Variants in ULK2 observed in about 807,000 individuals in gnomAD.
ULK2 encodes serine/threonine-protein kinase ULK2.
In ULK2, 76 loss-of-function variants were observed where a neutral mutation model predicts 127.5. The observed-to-expected ratio is 0.60, with a 90% CI of 0.50 to 0.72. ULK2 has a LOEUF of 0.72. Among genes scored for constraint, ULK2 ranks in the 30% least tolerant of loss-of-function variants. The pLI, the probability that ULK2 is intolerant of heterozygous loss-of-function variation, is 0.00. For synonymous variants in ULK2, 452 were observed against 461.9 expected (o/e 0.98, Z 0.28); for missense variants, 1,144 against 1,295.9 (o/e 0.88, Z 1.80).
chr17:19,819,826 AG>A (rs932033494), intron 12 of ULK2, among the ~76,000 whole-genome samples: 1 of 152,036 alleles, frequency 6.6e-6, no homozygotes, highest in African/African-American at 2.4e-5. Flanking sequence ...CTGCCGCCTT[AG>A]TTCAGGCTTC....
rs1567696612 is a variant in ULK2 at position 19,814,446 on chromosome 17, T to TG, written c.1096+2302_1096+2303insC. ...TATATATATATATATATATTTTTTT[T>TG]TTTTTTTTTTTTTTTTTGGAGACAG... On this transcript the variant is annotated intron_variant, in intron 13 of 26. Transcript: ENST00000395544. Among the ~76,000 whole-genome samples, 66 of 29,998 alleles carry TG rather than the reference T, an allele frequency of 2.2e-3. 3 individuals are homozygous for TG. Among genetic ancestry groups the TG allele is most frequent in the East Asian group, 4.0e-3 (8 of 1,982 alleles). The allele number at this position is 29,998 out of a possible 152,430, so 19.7% of individuals were successfully genotyped here.
chr17:19,867,474 TCAGCACCG>T lies in ULK2; in HGVS notation c.-65_-58del. On this transcript the variant is annotated 5_prime_UTR_variant, in exon 1 of 27. The change abolishes the stop of an existing upstream ORF in the 5' untranslated region. Transcript: ENST00000395544. ...CGGGCGGCGCAGTGCGGCGCAGGTA[TCAGCACCG>T]CGGCTCCGCGGGCCCGGAGCGCGCC... The T allele has an allele frequency of 1.4e-6, 2 of 1,427,526 alleles. No individual in the cohort carries two copies. The highest frequency in any genetic ancestry group is 1.9e-6 in the Non-Finnish European group (2 of 1,067,702). 88.4% of individuals were successfully genotyped at this position (1,427,526 alleles called of 1,614,324 possible).
At chr17:19,827,846 G>T (rs1446435828) in intron 10 of ULK2, among the ~76,000 whole-genome samples, 1 of 151,838 alleles carries the variant, frequency 6.6e-6, no homozygotes, top group Non-Finnish European at 1.5e-5. Context: ...GAAGGTGGAG[G>T]TTGCGGTGAG....
Position 19,801,873 on chromosome 17 carries a change from G to A in ULK2, c.1345C>T (p.Pro449Ser), listed in dbSNP as rs201765692. 2.5e-5 allele frequency: 41 copies of A among 1,614,066 alleles called. No homozygotes were observed. Among genetic ancestry groups the A allele is most frequent in the East Asian group, 2.0e-4 (9 of 44,886 alleles). ...GCTGGTACTGGGGAGCATGATCCCGGCCGGAGGAAGCCCATGGGGCTGGTG... is the reference window on the plus strand; with the variant it reads ...GCTGGTACTGGGGAGCATGATCCCGACCGGAGGAAGCCCATGGGGCTGGTG... ...SNTSPMGFLR[P>S]GSCSPVPADT... is the part of the protein sequence containing the mutation. The change falls in exon 16 of 27, where the codon CCG (proline) becomes TCG (serine). Residue 449 changes from proline to serine, a missense_variant. Pro to Ser is a moderately conservative substitution (Grantham distance 74). Transcript: ENST00000395544.
intron 3 of ULK2, among the ~76,000 whole-genome samples, chr17:19,858,713 T>C (rs1398157552): frequency 3.3e-5 from 5 of 152,160 alleles, no homozygotes; most frequent in Non-Finnish European, 1.5e-5. Context: ...CTCACATCTG[T>C]AATCCCAGAA....
chr17:19,832,466 G>A (rs1171842524), intron 10 of ULK2, among the ~76,000 whole-genome samples: 2 of 151,928 alleles, frequency 1.3e-5, no homozygotes, highest in South Asian at 2.1e-4. Flanking sequence ...CTTTCACCAC[G>A]TTGCCCAGGC....
At chr17:19,804,289 C>T (rs2087465016) in intron 15 of ULK2, among the ~76,000 whole-genome samples, 1 of 151,250 alleles carries the variant, frequency 6.6e-6, no homozygotes, top group Non-Finnish European at 1.5e-5. Context: ...TGGACTTGTA[C>T]CTTTGTTATT....
rs966116584 is a variant in ULK2, at chr17:19,776,314, G to A, written c.*35C>T. The A allele has an allele frequency of 1.3e-5, 21 of 1,572,102 alleles. No homozygotes were observed. Among genetic ancestry groups the A allele is most frequent in the Non-Finnish European group, 1.8e-5 (21 of 1,160,834 alleles). ...TGTAATCCCAAAGGCATCACCTCAC[G>A]TTCCCACCACCGGTCCACGGGATGA... On this transcript the variant is annotated 3_prime_UTR_variant, in exon 27 of 27. Transcript: ENST00000395544.
At chr17:19,805,655 T>C (rs1350577098) in intron 14 of ULK2, among the ~76,000 whole-genome samples, 2 of 152,218 alleles carry the variant, frequency 1.3e-5, no homozygotes, top group Admixed American at 1.3e-4. Flanking sequence ...CAGCCAAGCA[T>C]AACCATATGT....
Position 19,786,082 on chromosome 17 carries a change from C to A in ULK2, c.2106G>T (p.Pro702=). The A allele has an allele frequency of 6.4e-7, 1 of 1,558,764 alleles. No homozygotes were observed. The change falls in exon 21 of 27, where the codon CCG becomes CCT. Residue 702 remains proline (P), a synonymous_variant. Coordinates refer to ENST00000395544, the MANE Select transcript of ULK2 (RefSeq NM_014683.4). ...CCAGAACACCACCACAGGCTCCTGC[C>A]GGAGCTACAACAAAAAGTTTATAGA... is the stretch of plus-strand genomic sequence containing the variant. ...LNTERPMDIA[P]AGACGGVLAP...
At position 19,840,109 on chromosome 17, in the gene ULK2, AG is replaced by A. The variant is rs1290220667; in HGVS notation, c.704+1379del. ...AAGCATACAGTGGCAGGTGCAGTTG[AG>A]CTCTGGGTCACCAAGATGTCGTTCC... is the stretch of plus-strand genomic sequence containing the variant. On this transcript the variant is annotated intron_variant, in intron 9 of 26. Transcript: ENST00000395544. The A allele has an allele frequency of 1.7e-4, 64 of 369,606 alleles. No homozygotes were observed. In the East Asian group the frequency reaches 4.8e-3, roughly 28 times the overall value. 22.9% of individuals were successfully genotyped at this position (369,606 alleles called of 1,614,324 possible).
rs543763634 is a variant in ULK2 at position 19,812,135 on chromosome 17, A to G, written c.1097-1697T>C. Among the ~76,000 whole-genome samples, 14 of 152,332 alleles carry G rather than the reference A, an allele frequency of 9.2e-5. No individual in the cohort carries two copies. The South Asian group carries it at 2.9e-3, about 32-fold the overall frequency. ...TACATCACAGAACTCCAAAATGCTTAGTAATCAGCAGTACCACATACCTTT... is the reference window on the plus strand; with the variant it reads ...TACATCACAGAACTCCAAAATGCTTGGTAATCAGCAGTACCACATACCTTT... On this transcript the variant is annotated intron_variant, in intron 13 of 26. Transcript: ENST00000395544.
intron 3 of ULK2, among the ~76,000 whole-genome samples, chr17:19,852,335 C>A (rs553819044): frequency 6.6e-6 from 1 of 150,704 alleles, no homozygotes; most frequent in Admixed American, 6.6e-5. Flanking sequence ...TCGTGGCTAA[C>A]GCGGTGAAAC....
intron 3 of ULK2, among the ~76,000 whole-genome samples, chr17:19,852,096 G>C (rs192570244): frequency 1.3e-5 from 2 of 148,600 alleles, no homozygotes; most frequent in African/African-American, 5.0e-5. Context: ...AGTGTGGCAC[G>C]CACCTGTAGT....
intron 14 of ULK2, among the ~76,000 whole-genome samples, chr17:19,807,684 A>C (rs535120772): frequency 6.6e-6 from 1 of 152,244 alleles, no homozygotes; most frequent in South Asian, 2.1e-4. Flanking sequence ...CATCAAAAGA[A>C]GTGAAAATCT....
At chr17:19,792,759 C>T (rs9892995) in intron 20 of ULK2, among the ~76,000 whole-genome samples, 14 of 152,036 alleles carry the variant, frequency 9.2e-5, no homozygotes, top group African/African-American at 3.4e-4. Context: ...AAAACCCAGC[C>T]AGTCTCTCTA....
At chr17:19,798,313 T>G (rs527790396) in intron 17 of ULK2, among the ~76,000 whole-genome samples, 1 of 152,300 alleles carries the variant, frequency 6.6e-6, no homozygotes, top group Admixed American at 6.5e-5. Context: ...CTCACAAAGA[T>G]AACACTTGCC....
At chr17:19,787,040 C>G (rs956037352) in intron 20 of ULK2, among the ~76,000 whole-genome samples, 3 of 150,702 alleles carry the variant, frequency 2.0e-5, no homozygotes, top group Admixed American at 6.6e-5. Flanking sequence ...CACTCTGTCG[C>G]CAGGCTGGAG....
chr17:19,852,103 T>C (rs2042029983), intron 3 of ULK2, among the ~76,000 whole-genome samples: 1 of 148,540 alleles, frequency 6.7e-6, no homozygotes, highest in South Asian at 2.1e-4. Context: ...CACGCACCTG[T>C]AGTCCCAGCG....
Sources: allele counts gnomAD v4.1 joint callset (sites outside exome capture counted in the v4.1 genomes callset), GRCh38; gene constraint gnomAD v4.1.1; transcripts MANE v1.5; gene names NCBI Gene and HGNC (gene_info 2026-07-23, HGNC 2026-07-21).